Variants in TNRC6C observed in about 807,000 individuals in gnomAD.
TNRC6C encodes trinucleotide repeat-containing gene 6C protein.
In TNRC6C, 20 loss-of-function variants were observed where a neutral mutation model predicts 153.7. The observed-to-expected ratio is 0.13, with a 90% CI of 0.09 to 0.19. The LOEUF is 0.19. Among genes scored for constraint, TNRC6C ranks in the 10% least tolerant of loss-of-function variants. TNRC6C has a pLI of 1.00. For synonymous variants in TNRC6C, 811 were observed against 841.4 expected (o/e 0.96, Z 0.63); for missense variants, 1,987 against 2,172.0 (o/e 0.91, Z 1.69).
intron 2 of TNRC6C, among the ~76,000 whole-genome samples, chr17:78,041,390 T>C (rs568602151): frequency 1.3e-5 from 2 of 152,296 alleles, no homozygotes; most frequent in East Asian, 3.9e-4. Flanking sequence ...GGGCAGGCCT[T>C]CCCAAATTAG....
chr17:77,979,016 A>C (rs1261629118), intron 1 of TNRC6C, among the ~76,000 whole-genome samples: 1 of 152,220 alleles, frequency 6.6e-6, no homozygotes, highest in Non-Finnish European at 1.5e-5. Flanking sequence ...TCAAAAACTA[A>C]GCATATAAAA....
intron 1 of TNRC6C, among the ~76,000 whole-genome samples, chr17:77,969,763 C>T (rs756749059): frequency 1.3e-5 from 2 of 151,770 alleles, no homozygotes; most frequent in South Asian, 2.1e-4. Flanking sequence ...AGAGATCTCA[C>T]GGATTCCTTT....
intron 1 of TNRC6C, among the ~76,000 whole-genome samples, chr17:77,982,529 A>G (rs2071094333): frequency 6.6e-6 from 1 of 152,220 alleles, no homozygotes; most frequent in South Asian, 2.1e-4. Flanking sequence ...AGAAAAAAGG[A>G]TCATAGAATA....
At chr17:78,081,186 C>A (rs1041622049) in intron 10 of TNRC6C, among the ~76,000 whole-genome samples, 14 of 151,846 alleles carry the variant, frequency 9.2e-5, no homozygotes, top group Non-Finnish European at 1.8e-4. Flanking sequence ...GGGTGCTGAT[C>A]CAATTCATGG....
intron 1 of TNRC6C, among the ~76,000 whole-genome samples, chr17:77,993,968 A>C (rs2071290061): frequency 6.6e-6 from 1 of 152,086 alleles, no homozygotes; most frequent in Non-Finnish European, 1.5e-5. Context: ...TGAGGTGGGC[A>C]GATCACCTGA....
chr17:77,992,764 G>A (rs2071271414), intron 1 of TNRC6C, among the ~76,000 whole-genome samples: 1 of 152,282 alleles, frequency 6.6e-6, no homozygotes, highest in Admixed American at 6.5e-5. Flanking sequence ...TTTTAGACCT[G>A]AATGCTAGGG....
At chr17:77,984,915 G>C (rs1386927535) in intron 1 of TNRC6C, among the ~76,000 whole-genome samples, 1 of 152,042 alleles carries the variant, frequency 6.6e-6, no homozygotes. Context: ...ACCCCATAAG[G>C]AACTATTTTT....
intron 13 of TNRC6C, among the ~76,000 whole-genome samples, chr17:78,088,434 A>G (rs1030428056): frequency 4.6e-5 from 7 of 150,852 alleles, no homozygotes; most frequent in African/African-American, 7.3e-5. Flanking sequence ...GGGTCTTTCT[A>G]TGTTGCCCAG....
rs984988986 is a variant in TNRC6C at position 78,085,434 on chromosome 17, C to T, written c.3478-1069C>T. Among the ~76,000 whole-genome samples, 3 of 152,098 alleles carry T rather than the reference C, an allele frequency of 2.0e-5. No homozygotes were observed. The South Asian group carries it at 6.2e-4, about 32-fold the overall frequency. On this transcript the variant is annotated intron_variant, in intron 11 of 19. Transcript: ENST00000301624. ...GGGGTATTTTATTCCTCCATGATTA[C>T]AGATGAAGGAGGCATTTCTAATAGT...
chr17:78,042,763 CATG>C (rs1343368360), intron 2 of TNRC6C, among the ~76,000 whole-genome samples: 3 of 150,890 alleles, frequency 2.0e-5, no homozygotes, highest in African/African-American at 4.9e-5. Flanking sequence ...TGGTGGTGAT[CATG>C]GTGGTGGTGC....
At chr17:78,014,305 T>A (rs181321289) in intron 1 of TNRC6C, among the ~76,000 whole-genome samples, 5 of 152,310 alleles carry the variant, frequency 3.3e-5, no homozygotes, top group African/African-American at 9.6e-5. Flanking sequence ...GCCTTTAATG[T>A]TTTGTCCAGT....
At chr17:77,991,899 A>G (rs2071256707) in intron 1 of TNRC6C, among the ~76,000 whole-genome samples, 1 of 152,186 alleles carries the variant, frequency 6.6e-6, no homozygotes. Context: ...CCTCAGTTGA[A>G]TGACGACAGC....
exon 20 of TNRC6C, chr17:78,105,094 A>G (rs2073668719): frequency 2.5e-6 from 1 of 394,732 alleles, no homozygotes; most frequent in South Asian, 1.2e-4. Context: ...TTATGTTTGT[A>G]TAGTGTGTTG....
chr17:78,041,384 A>G lies in TNRC6C; in HGVS notation c.-218-7461A>G, dbSNP rs2072291672. ...TTCTCTCTGCTGGGCTGGCACGGGC[A>G]GGCCTTCCCAAATTAGGAAGCAAGC... On this transcript the variant is annotated intron_variant, in intron 2 of 19. Coordinates refer to ENST00000301624, the Ensembl canonical transcript of TNRC6C. Among the ~76,000 whole-genome samples the G allele has an allele frequency of 2.6e-5, 4 of 152,216 alleles. No individual in the cohort carries two copies. In the South Asian group the frequency reaches 8.3e-4, roughly 31 times the overall value.
intron 1 of TNRC6C, among the ~76,000 whole-genome samples, chr17:77,981,891 T>C (rs1309763086): frequency 6.6e-6 from 1 of 152,174 alleles, no homozygotes; most frequent in Non-Finnish European, 1.5e-5. Context: ...TAGAAGAGAT[T>C]TGACAACCCC....
intron 1 of TNRC6C, among the ~76,000 whole-genome samples, chr17:77,975,854 A>G (rs1303875997): frequency 6.6e-6 from 1 of 152,222 alleles, no homozygotes; most frequent in Non-Finnish European, 1.5e-5. Context: ...AGAATCCTAT[A>G]AATTGAATAA....
At chr17:78,097,925 C>A in intron 16 of TNRC6C, 64 bp downstream of exon 19, 1 of 1,290,238 alleles carries the variant, frequency 7.8e-7, no homozygotes, top group Non-Finnish European at 1.1e-6. Flanking sequence ...AAAACTTTGA[C>A]AGGCCCCAGC....
chr17:77,978,372 T>C (rs1567897747), intron 1 of TNRC6C, among the ~76,000 whole-genome samples: 1 of 152,218 alleles, frequency 6.6e-6, no homozygotes, highest in Non-Finnish European at 1.5e-5. Flanking sequence ...TAAGGTCATA[T>C]AGTAAAGCTC....
intron 1 of TNRC6C, among the ~76,000 whole-genome samples, chr17:78,023,597 G>A (rs892955994): frequency 2.0e-5 from 3 of 151,818 alleles, no homozygotes; most frequent in African/African-American, 7.3e-5. Flanking sequence ...TTGAGTCCAG[G>A]GGTTCAAGAC....
Sources: gnomAD v4.1 joint callset for allele counts (sites outside exome capture counted in the v4.1 genomes callset) on GRCh38, gnomAD v4.1.1 for gene constraint, MANE v1.5 for transcripts, NCBI Gene and HGNC (gene_info 2026-07-23, HGNC 2026-07-21) for gene names.